Variants in FAM107B observed in about 807,000 individuals in gnomAD.
FAM107B encodes the protein family with sequence similarity 107 member B.
A neutral mutation model predicts 31.5 loss-of-function variants in FAM107B; 21 were observed. The observed-to-expected ratio is 0.67, with a 90% confidence interval of 0.47 to 0.96. The LOEUF (loss-of-function observed/expected upper bound fraction) is 0.96, where lower values mean the gene tolerates loss of function less well. FAM107B is among the 40% of genes least tolerant of loss of function. The probability of loss-of-function intolerance (pLI) is 0.00; values close to 1 mark genes in which losing one functional copy is unlikely to be tolerated. For synonymous variants in FAM107B, 157 were observed against 141.5 expected, an observed-to-expected ratio of 1.11 and a Z score of -0.78; for missense variants, 452 against 377.1, an observed-to-expected ratio of 1.20 and a Z score of -1.64.
chr10:14,629,505 TAATATATATATATATA>T (rs1853293800), intron 2 of FAM107B, among the ~76,000 whole-genome samples: 7 of 117,870 alleles, frequency 5.9e-5, no homozygotes, highest in African/African-American at 2.5e-4. Context: ...TATATATATT[TAATATATATATATATA>T]TTTTTTTTTG....
chr10:14,701,212 T>G (rs2601737), intron 1 of FAM107B, among the ~76,000 whole-genome samples: 3,563 of 152,140 alleles, frequency 0.023, 141 homozygotes, highest in African/African-American at 0.081. Flanking sequence ...AGGCAGAAAC[T>G]CTTCATTTTA....
intron 2 of FAM107B, among the ~76,000 whole-genome samples, chr10:14,560,425 C>T (rs892568503): frequency 5.9e-5 from 9 of 152,168 alleles, no homozygotes; most frequent in Non-Finnish European, 1.2e-4. Flanking sequence ...GCCGTCAGAG[C>T]GGGAAAGCCC....
chr10:14,634,414 A>T (rs112197052), intron 2 of FAM107B, among the ~76,000 whole-genome samples: 3 of 151,528 alleles, frequency 2.0e-5, no homozygotes, highest in Admixed American at 2.0e-4. Context: ...AAAAAAAAAA[A>T]AAAATTCAAA....
intron 2 of FAM107B, among the ~76,000 whole-genome samples, chr10:14,538,494 A>T (rs749299096): frequency 6.6e-6 from 1 of 152,220 alleles, no homozygotes; most frequent in Non-Finnish European, 1.5e-5. Context: ...CCATGTACAT[A>T]ATGTTCAAAA....
intron 2 of FAM107B, among the ~76,000 whole-genome samples, chr10:14,637,586 A>G (rs1853532008): frequency 6.6e-6 from 1 of 152,158 alleles, no homozygotes; most frequent in Non-Finnish European, 1.5e-5. Context: ...TGAGGCTGCA[A>G]TGAGCTGTGA....
At chr10:14,548,773 G>A in intron 2 of FAM107B, 2 of 397,296 alleles carry the variant, frequency 5.0e-6, no homozygotes, top group Non-Finnish European at 6.8e-6. Flanking sequence ...AGAGGGGATG[G>A]CAACGGCTGT....
chr10:14,531,624 T>C (rs908642246), intron 2 of FAM107B, among the ~76,000 whole-genome samples: 1 of 150,988 alleles, frequency 6.6e-6, no homozygotes, highest in Admixed American at 6.6e-5. Flanking sequence ...GCTAGATCAC[T>C]TGAGGCCAGG....
chr10:14,630,278 T>TAAAAAAAAAAA (rs10525721), intron 2 of FAM107B, among the ~76,000 whole-genome samples: 4 of 134,532 alleles, frequency 3.0e-5, no homozygotes, highest in African/African-American at 8.6e-5. Flanking sequence ...CTACTGATGC[T>TAAAAAAAAAAA]AAAAAAAAAA....
intron 1 of FAM107B, among the ~76,000 whole-genome samples, chr10:14,699,289 G>T (rs1206776145): frequency 6.6e-6 from 1 of 152,094 alleles, no homozygotes; most frequent in Non-Finnish European, 1.5e-5. Context: ...TGGAGAAGGA[G>T]ATTTCTTATG....
chr10:14,731,514 A>G (rs1332712253), intron 1 of FAM107B, among the ~76,000 whole-genome samples: 1 of 152,150 alleles, frequency 6.6e-6, no homozygotes, highest in Non-Finnish European at 1.5e-5. Context: ...GTGGGCCAAG[A>G]TTGTGCCACT....
At chr10:14,581,773 C>T (rs1410510878) in intron 2 of FAM107B, among the ~76,000 whole-genome samples, 1 of 152,124 alleles carries the variant, frequency 6.6e-6, no homozygotes, top group Non-Finnish European at 1.5e-5. Context: ...CGTGGTGGTG[C>T]ACACCCACGG....
chr10:14,576,484 G>A (rs1334709827), intron 2 of FAM107B, among the ~76,000 whole-genome samples: 5 of 151,990 alleles, frequency 3.3e-5, no homozygotes, highest in Admixed American at 2.0e-4. Flanking sequence ...GGAAGATCAC[G>A]CAATTGCACT....
chr10:14,590,795 A>C (rs1245786574), intron 2 of FAM107B, among the ~76,000 whole-genome samples: 2 of 150,862 alleles, frequency 1.3e-5, no homozygotes, highest in African/African-American at 4.9e-5. Context: ...CAGCCTGACC[A>C]ACATGGAGAA....
At chr10:14,536,976 T>C (rs1847682853) in intron 2 of FAM107B, among the ~76,000 whole-genome samples, 1 of 152,154 alleles carries the variant, frequency 6.6e-6, no homozygotes, top group Non-Finnish European at 1.5e-5. Flanking sequence ...AGGCACATAT[T>C]TTATATTTAG....
chr10:14,542,390 C>T (rs550556868), intron 2 of FAM107B, among the ~76,000 whole-genome samples: 12 of 152,192 alleles, frequency 7.9e-5, no homozygotes, highest in African/African-American at 2.9e-4. Flanking sequence ...TTCCCCTTTA[C>T]ACTCCTGCAG....
chr10:14,588,171 C>T (rs1851904350), intron 2 of FAM107B, among the ~76,000 whole-genome samples: 1 of 152,060 alleles, frequency 6.6e-6, no homozygotes, highest in African/African-American at 2.4e-5. Context: ...CTCACGTCCA[C>T]CAAGAAGCAC....
intron 3 of FAM107B, among the ~76,000 whole-genome samples, chr10:14,525,132 T>C (rs2130791071): frequency 6.6e-6 from 1 of 152,354 alleles, no homozygotes; most frequent in East Asian, 1.9e-4. Flanking sequence ...TGTAAGTCTC[T>C]AAGTCTAAAT....
At chr10:14,570,100 C>T (rs548096591) in intron 2 of FAM107B, among the ~76,000 whole-genome samples, 97 of 152,226 alleles carry the variant, frequency 6.4e-4, no homozygotes, top group African/African-American at 2.3e-3. Flanking sequence ...ATCATTGCTA[C>T]AGAAAAAAAC....
chr10:14,664,842 A>G (rs1245652241), intron 2 of FAM107B, among the ~76,000 whole-genome samples: 2 of 152,226 alleles, frequency 1.3e-5, no homozygotes, highest in Admixed American at 6.5e-5. Flanking sequence ...AATTTAGCAG[A>G]CACAACTTAC....
Sources: gnomAD v4.1 joint callset for allele counts (sites outside exome capture counted in the v4.1 genomes callset) on GRCh38, gnomAD v4.1.1 for gene constraint, MANE v1.5 for transcripts, NCBI Gene and HGNC (gene_info 2026-07-23, HGNC 2026-07-21) for gene names.